Variants in ZNF385D observed in about 807,000 individuals in gnomAD.
ZNF385D encodes zinc finger protein 659.
In ZNF385D, 15 loss-of-function variants were observed where a neutral mutation model predicts 35.8. The observed-to-expected ratio is 0.42, with a 90% CI of 0.28 to 0.64. ZNF385D has a LOEUF of 0.64. Among genes scored for constraint, ZNF385D ranks in the 30% least tolerant of loss-of-function variants. ZNF385D has a pLI of 0.23. For missense variants in ZNF385D, 474 were observed against 494.6 expected (o/e 0.96, Z 0.39); for synonymous variants, 212 against 186.8 (o/e 1.13, Z -1.10).
At chr3:21,493,439 A>G (rs1211680852) in intron 4 of ZNF385D, among the ~76,000 whole-genome samples, 1 of 152,156 alleles carries the variant, frequency 6.6e-6, no homozygotes, top group Non-Finnish European at 1.5e-5. Flanking sequence ...TTAAAAAGCT[A>G]TATAAATTAA....
intron 4 of ZNF385D, among the ~76,000 whole-genome samples, chr3:21,489,499 A>G (rs1368968947): frequency 6.6e-6 from 1 of 152,144 alleles, no homozygotes; most frequent in African/African-American, 2.4e-5. Flanking sequence ...GAGCACAAAA[A>G]TGAAAGAAGT....
intron 3 of ZNF385D, among the ~76,000 whole-genome samples, chr3:21,786,231 T>C (rs1256037161): frequency 1.3e-5 from 2 of 152,188 alleles, no homozygotes; most frequent in African/African-American, 4.8e-5. Flanking sequence ...CTCTAAGTGC[T>C]AATACTTCCC....
chr3:22,029,960 G>A (rs1697830031), intron 3 of ZNF385D, among the ~76,000 whole-genome samples: 1 of 151,898 alleles, frequency 6.6e-6, no homozygotes, highest in Non-Finnish European at 1.5e-5. Context: ...TGTTGCTGAA[G>A]GAGATTAACA....
chr3:21,681,698 G>GAAAAA (rs5847124), intron 1 of ZNF385D, among the ~76,000 whole-genome samples: 1 of 133,224 alleles, frequency 7.5e-6, no homozygotes, highest in Non-Finnish European at 1.6e-5. Context: ...AAAAAAAAAC[G>GAAAAA]AAAAAAAAAA....
chr3:22,194,901 G>A (rs989616180), intron 2 of ZNF385D, among the ~76,000 whole-genome samples: 1 of 151,820 alleles, frequency 6.6e-6, no homozygotes, highest in African/African-American at 2.4e-5. Context: ...ACCCCTTGAA[G>A]GACACTAGCG....
chr3:22,363,249 GC>G (rs765079668), intron 2 of ZNF385D, among the ~76,000 whole-genome samples: 2 of 152,014 alleles, frequency 1.3e-5, no homozygotes, highest in Non-Finnish European at 2.9e-5. Flanking sequence ...AAAGAGTCAA[GC>G]AGACCCCAGC....
chr3:22,223,421 C>T (rs1459099642), intron 2 of ZNF385D, among the ~76,000 whole-genome samples: 1 of 151,992 alleles, frequency 6.6e-6, no homozygotes, highest in Non-Finnish European at 1.5e-5. Context: ...TATTTCTGCA[C>T]TGTATCACGT....
At position 21,462,483 on chromosome 3, in the gene ZNF385D, C is replaced by T. The variant is rs917010340; in HGVS notation, c.440-25280G>A. On this transcript the variant is annotated intron_variant, in intron 4 of 7. Transcript: ENST00000281523. Reference sequence around the variant, plus strand: ...AAATAGGTAGGCAGGTAGGTAAATACCTTGATACCATTTTAAGGGTAAAAG... The same window carrying T: ...AAATAGGTAGGCAGGTAGGTAAATATCTTGATACCATTTTAAGGGTAAAAG... 3.3e-5 allele frequency among the ~76,000 whole-genome samples: 5 copies of T among 151,976 alleles called. No homozygotes were observed. The East Asian group carries it at 9.7e-4, about 29-fold the overall frequency.
intron 3 of ZNF385D, among the ~76,000 whole-genome samples, chr3:22,107,050 G>GTTTTTTTTTT (rs1702259499): frequency 6.6e-5 from 4 of 60,992 alleles, no homozygotes; most frequent in Admixed American, 1.3e-4. Context: ...TTTAGACAGA[G>GTTTTTTTTTT]TTTTGCTCTT....
intron 3 of ZNF385D, among the ~76,000 whole-genome samples, chr3:21,899,657 C>T (rs189426988): frequency 2.6e-4 from 39 of 152,184 alleles, no homozygotes; most frequent in African/African-American, 9.4e-4. Context: ...GTGGCTTCTG[C>T]TTTCTCCCTG....
chr3:21,581,682 G>C (rs2063669491), intron 2 of ZNF385D, among the ~76,000 whole-genome samples: 1 of 152,178 alleles, frequency 6.6e-6, no homozygotes, highest in Admixed American at 6.5e-5. Flanking sequence ...ATTGTTATCT[G>C]AAGGTGACTG....
intron 3 of ZNF385D, among the ~76,000 whole-genome samples, chr3:22,064,249 T>A (rs1699825439): frequency 6.6e-6 from 1 of 152,050 alleles, no homozygotes; most frequent in African/African-American, 2.4e-5. Flanking sequence ...TCCGAAGGGG[T>A]CAAAAGAGAT....
intron 2 of ZNF385D, among the ~76,000 whole-genome samples, chr3:21,582,851 C>T (rs1241350022): frequency 3.9e-5 from 6 of 152,094 alleles, no homozygotes; most frequent in Non-Finnish European, 8.8e-5. Context: ...CATCTCTGCT[C>T]ACTGCAACCT....
intron 3 of ZNF385D, among the ~76,000 whole-genome samples, chr3:22,097,486 T>C (rs923532098): frequency 6.6e-6 from 1 of 151,946 alleles, no homozygotes; most frequent in Non-Finnish European, 1.5e-5. Context: ...GAGAGAAAAG[T>C]TATCACTGAC....
chr3:22,168,270 C>G (rs73145028), intron 3 of ZNF385D, among the ~76,000 whole-genome samples: 3,310 of 152,136 alleles, frequency 0.022, 131 homozygotes, highest in African/African-American at 0.076. Context: ...TTTGAAAAAT[C>G]TATTCACTCA....
chr3:22,046,714 A>G (rs773993644), intron 3 of ZNF385D, among the ~76,000 whole-genome samples: 11 of 152,170 alleles, frequency 7.2e-5, no homozygotes, highest in African/African-American at 1.2e-4. Flanking sequence ...GATTCTCACT[A>G]AACTAGGTAG....
chr3:22,232,358 T>G (rs1698944110), intron 2 of ZNF385D, among the ~76,000 whole-genome samples: 1 of 152,132 alleles, frequency 6.6e-6, no homozygotes, highest in Admixed American at 6.5e-5. Flanking sequence ...GAACTTTGTA[T>G]TTTTCTCTGA....
intron 2 of ZNF385D, among the ~76,000 whole-genome samples, chr3:22,345,576 T>A (rs900072905): frequency 6.6e-6 from 1 of 152,118 alleles, no homozygotes; most frequent in African/African-American, 2.4e-5. Flanking sequence ...TTGGGGAACG[T>A]CAAACAATAA....
intron 4 of ZNF385D, among the ~76,000 whole-genome samples, chr3:21,471,469 C>T (rs1703898772): frequency 6.6e-6 from 1 of 152,072 alleles, no homozygotes; most frequent in Non-Finnish European, 1.5e-5. Flanking sequence ...CCCTAAAGCA[C>T]CTCTGATATT....
Sources: gnomAD v4.1 joint callset for allele counts (sites outside exome capture counted in the v4.1 genomes callset) on GRCh38, gnomAD v4.1.1 for gene constraint, MANE v1.5 for transcripts, NCBI Gene and HGNC (gene_info 2026-07-23, HGNC 2026-07-21) for gene names.